The following DCC variants were observed in gnomAD, a reference collection of about 807,000 sequenced individuals.
The protein encoded by DCC is netrin receptor DCC.
DCC carries 58 observed loss-of-function variants against 172.5 expected under a neutral mutation model. The observed-to-expected ratio is 0.34, with a 90% CI of 0.27 to 0.42. DCC has a LOEUF of 0.42. Among genes scored for constraint, DCC ranks in the 10% least tolerant of loss-of-function variants. The pLI, the probability that DCC is intolerant of heterozygous loss-of-function variation, is 1.00. For missense variants in DCC, 1,740 were observed against 1,791.0 expected (o/e 0.97, Z 0.51); for synonymous variants, 709 against 644.5 (o/e 1.10, Z -1.52).
At chr18:52,811,892 C>A (rs1049918077) in intron 2 of DCC, among the ~76,000 whole-genome samples, 1 of 152,066 alleles carries the variant, frequency 6.6e-6, no homozygotes, top group African/African-American at 2.4e-5. Context: ...CCAGCCCAAA[C>A]AAAATTTCGG....
chr18:52,807,662 TAAATC>T (rs141904668), intron 2 of DCC, among the ~76,000 whole-genome samples: 14,077 of 152,126 alleles, frequency 0.093, 716 homozygotes, highest in South Asian at 0.19. Flanking sequence ...CAGTCTAAAA[TAAATC>T]AATTCCACCA....
At chr18:52,660,988 C>T (rs185725399) in intron 1 of DCC, among the ~76,000 whole-genome samples, 17 of 152,218 alleles carry the variant, frequency 1.1e-4, no homozygotes, top group Admixed American at 3.3e-4. Flanking sequence ...TCTATACCCT[C>T]GATGCCAACA....
At chr18:52,967,452 G>A (rs907088568) in intron 5 of DCC, among the ~76,000 whole-genome samples, 3 of 152,144 alleles carry the variant, frequency 2.0e-5, no homozygotes, top group African/African-American at 4.8e-5. Context: ...GTACTGTATA[G>A]TTTTGACCAG....
chr18:52,478,106 G>A lies in DCC; in HGVS notation c.91+137228G>A, dbSNP rs545121440. 6.6e-5 allele frequency among the ~76,000 whole-genome samples: 10 copies of A among 152,008 alleles called. No homozygotes were observed. In the East Asian group the frequency reaches 7.7e-4, roughly 12 times the overall value. ...ATTAAAAGAGTGAGCCACCAGGTCCGGTCCCTGGTCTATATGTATATCCTG... is the reference window on the plus strand; with the variant it reads ...ATTAAAAGAGTGAGCCACCAGGTCCAGTCCCTGGTCTATATGTATATCCTG... On this transcript the variant is annotated intron_variant, in intron 1 of 28. Transcript: ENST00000442544.
chr18:52,519,767 C>T (rs1039001770), intron 1 of DCC, among the ~76,000 whole-genome samples: 2 of 152,196 alleles, frequency 1.3e-5, no homozygotes, highest in Non-Finnish European at 2.9e-5. Flanking sequence ...GGATGGCTGA[C>T]ATCTGGCTAA....
chr18:53,357,565 C>A (rs1254154638), intron 15 of DCC, among the ~76,000 whole-genome samples: 1 of 152,106 alleles, frequency 6.6e-6, no homozygotes, highest in Admixed American at 6.5e-5. Context: ...TATTTTGAAA[C>A]AAAGTGCATC....
At chr18:53,064,283 C>T (rs1449212956) in intron 6 of DCC, among the ~76,000 whole-genome samples, 2 of 152,100 alleles carry the variant, frequency 1.3e-5, no homozygotes, top group East Asian at 1.9e-4. Flanking sequence ...TGAAATCTCA[C>T]TTATAGGTAT....
intron 7 of DCC, among the ~76,000 whole-genome samples, chr18:53,133,163 C>T (rs57093578): frequency 0.04 from 6,081 of 152,270 alleles, 382 homozygotes; most frequent in African/African-American, 0.13. Flanking sequence ...CCTGCTGCAA[C>T]GGCAGTTATG....
At chr18:53,119,613 A>G (rs903949788) in intron 7 of DCC, among the ~76,000 whole-genome samples, 1 of 151,888 alleles carries the variant, frequency 6.6e-6, no homozygotes, top group Non-Finnish European at 1.5e-5. Flanking sequence ...CAGATCTGGA[A>G]AGGTATGTGA....
chr18:53,398,733 C>A (rs1005047655), intron 18 of DCC, among the ~76,000 whole-genome samples: 2 of 152,122 alleles, frequency 1.3e-5, no homozygotes, highest in Admixed American at 1.3e-4. Flanking sequence ...CTATTGATTT[C>A]TCATCAACCG....
intron 26 of DCC, 130 bp from the exon 27 acceptor site, chr18:53,499,168 C>CATAACTTGGAGA: frequency 1.2e-6 from 1 of 866,840 alleles, no homozygotes; most frequent in Non-Finnish European, 1.9e-6. Flanking sequence ...TGACAATGTT[C>CATAACTTGGAGA]ATAACTTGGA....
At position 52,976,670 on chromosome 18, in the gene DCC, T is replaced by C. The variant is rs189020591; in HGVS notation, c.985+51300T>C. On this transcript the variant is annotated intron_variant, in intron 5 of 28. Coordinates refer to ENST00000442544, the MANE Select transcript of DCC (RefSeq NM_005215.4). ...AAGCTGAAGATAACTTCACATTTTATTTTCCAGTCTGACTCCAGTTGTAAA... is the reference window on the plus strand; with the variant it reads ...AAGCTGAAGATAACTTCACATTTTACTTTCCAGTCTGACTCCAGTTGTAAA... Among the ~76,000 whole-genome samples the C allele has an allele frequency of 9.8e-5, 15 of 152,362 alleles. No individual in the cohort carries two copies. In the East Asian group the frequency reaches 2.1e-3, roughly 22 times the overall value.
Position 53,446,098 on chromosome 18 carries a change from C to CAAAAAA in DCC, c.3230-4391_3230-4386dup, listed in dbSNP as rs1246126122. Among the ~76,000 whole-genome samples, 16 of 32,266 alleles carry CAAAAAA rather than the reference C, an allele frequency of 5.0e-4. 1 individual carries two copies. The highest frequency in any genetic ancestry group is 1.3e-3 in the South Asian group (1 of 750). The allele number at this position is 32,266 out of a possible 152,430, so 21.2% of individuals were successfully genotyped here. A position where few individuals can be genotyped will look rare whatever the true frequency, so the allele number is the denominator to read the frequency against. On this transcript the variant is annotated intron_variant, in intron 22 of 28. Coordinates refer to ENST00000442544, the MANE Select transcript of DCC (RefSeq NM_005215.4). Reference sequence around the variant, plus strand: ...GCAACATAAGAAGACCCTGTCTCTACAAAAAAAAAAAAAAAACAAAAAAAA... The same window carrying CAAAAAA: ...GCAACATAAGAAGACCCTGTCTCTACAAAAAAAAAAAAAAAAAAAAAACAAAAAAAA...
chr18:53,068,784 TG>T, intron 7 of DCC, among the ~76,000 whole-genome samples: 1 of 151,128 alleles, frequency 6.6e-6, no homozygotes, highest in South Asian at 2.1e-4. Context: ...TGTGTGTGTG[TG>T]TGTGTGTGTG....
At chr18:52,345,242 T>G (rs917776337) in intron 1 of DCC, among the ~76,000 whole-genome samples, 4 of 152,228 alleles carry the variant, frequency 2.6e-5, no homozygotes, top group African/African-American at 7.2e-5. Flanking sequence ...CTGAAATTAC[T>G]TGATTAATTG....
At chr18:52,357,700 G>A (rs1323221118) in intron 1 of DCC, among the ~76,000 whole-genome samples, 7 of 151,998 alleles carry the variant, frequency 4.6e-5, no homozygotes, top group African/African-American at 1.7e-4. Flanking sequence ...AACTACAGTA[G>A]AAAAATTGGC....
intron 12 of DCC, among the ~76,000 whole-genome samples, chr18:53,260,377 T>C (rs2056580666): frequency 6.6e-6 from 1 of 152,120 alleles, no homozygotes; most frequent in African/African-American, 2.4e-5. Context: ...ACAGATGGGG[T>C]TTTGGTGTGG....
chr18:53,011,647 C>T (rs1318094775), intron 5 of DCC, among the ~76,000 whole-genome samples: 2 of 151,670 alleles, frequency 1.3e-5, no homozygotes. Flanking sequence ...TTTGTATTTG[C>T]ATATGTTTAG....
chr18:52,847,539 C>G (rs145703186), intron 2 of DCC, among the ~76,000 whole-genome samples: 33 of 152,298 alleles, frequency 2.2e-4, no homozygotes, highest in African/African-American at 7.5e-4. Flanking sequence ...AGCCATCAAA[C>G]TTTGCATCTG....
Sources: gnomAD v4.1 joint callset for allele counts (sites outside exome capture counted in the v4.1 genomes callset) on GRCh38, gnomAD v4.1.1 for gene constraint, MANE v1.5 for transcripts, NCBI Gene and HGNC (gene_info 2026-07-23, HGNC 2026-07-21) for gene names.